The following NUP188 variants were observed in gnomAD, a reference collection of about 807,000 sequenced individuals.
The protein encoded by NUP188 is nucleoporin 188.
A neutral mutation model predicts 223.0 loss-of-function variants in NUP188; 97 were observed. That is an observed-to-expected ratio of 0.43 (90% CI 0.37 to 0.51). NUP188 has a LOEUF of 0.51. NUP188 is among the 20% of genes least tolerant of loss of function. NUP188 has a pLI of 0.00. For missense variants in NUP188, 1,947 were observed against 2,175.6 expected (o/e 0.89, Z 2.09); for synonymous variants, 869 against 828.0 (o/e 1.05, Z -0.85).
At chr9:128,977,443 A>G (rs886777764) in intron 12 of NUP188, among the ~76,000 whole-genome samples, 2 of 152,162 alleles carry the variant, frequency 1.3e-5, no homozygotes, top group African/African-American at 4.8e-5. Context: ...TAAAGAAATC[A>G]TTCAGTGAGC....
At position 128,988,130 on chromosome 9, in the gene NUP188, G is replaced by A. The variant is rs750248943; in HGVS notation, c.2477G>A (p.Arg826Gln). The A allele has an allele frequency of 5.0e-6, 8 of 1,614,056 alleles. No individual in the cohort carries two copies. The highest frequency in any genetic ancestry group is 1.6e-4 in the Middle Eastern group (1 of 6,082). The change falls in exon 24 of 44, where the codon CGG becomes CAG. Residue 826 changes from arginine to glutamine, a missense_variant. Physicochemically the swap from Arg to Gln is conservative, Grantham distance 43 (BLOSUM62 1). Coordinates refer to ENST00000372577, the MANE Select transcript of NUP188 (RefSeq NM_015354.3). ...TTCTCCGTCACCAACAATGTTATTC[G>A]GCTGAAACCTCCTTCTAATGTGGTG... ...LAFSVTNNVI[R>Q]LKPPSNVVSP...
At chr9:128,995,076 A>G (rs1043870144) in intron 29 of NUP188, 153 bp downstream of exon 29, 3 of 665,648 alleles carry the variant, frequency 4.5e-6, no homozygotes, top group Non-Finnish European at 8.0e-6. Flanking sequence ...TTCCTGGCCA[A>G]TCCACCGATG....
chr9:128,970,920 A>G lies in NUP188; in HGVS notation c.1075A>G (p.Thr359Ala). Reference sequence around the variant, plus strand: ...CCAGCTGAATGTGTTTCAGTACTTGACCCGATTGCTCCAGTCCCTTGCCAG... The same window carrying G: ...CCAGCTGAATGTGTTTCAGTACTTGGCCCGATTGCTCCAGTCCCTTGCCAG... ...AIQLNVFQYLTRLLQSLASGG... is the reference protein window; with the variant it reads ...AIQLNVFQYLARLLQSLASGG... Residue 359 changes from threonine (T) to alanine (A), a missense_variant, in exon 11 of 44, where the codon ACC becomes GCC. By Grantham distance (58) the Thr-to-Ala change is moderately conservative. This residue lies in a region of NUP188 where 817 missense variants were observed against 865.8 expected (regional missense o/e 0.94). Transcript: ENST00000372577. 6.2e-7 allele frequency: 1 copy of G among 1,613,964 alleles called. No individual in the cohort carries two copies. The highest frequency in any genetic ancestry group is 1.3e-5 in the African/African-American group (1 of 74,976).
intron 34 of NUP188, 67 bp from the exon 35 acceptor site, chr9:129,001,462 G>A (rs1057118702): frequency 2.4e-5 from 37 of 1,513,626 alleles, no homozygotes; most frequent in Admixed American, 3.4e-5. Context: ...CAGGCCCACC[G>A]CTGCCTGTCG....
rs749922084 is a variant in NUP188 at position 128,980,763 on chromosome 9, A to C, written c.1389+38A>C. On this transcript the variant is annotated intron_variant, in intron 14 of 43. Coordinates refer to ENST00000372577, the MANE Select transcript of NUP188 (RefSeq NM_015354.3). ...GTCAGATAAGTAAAGAGAATGGGAG[A>C]TTCTTTATGGAGACTTTATTAGGAA... 11 of 1,604,838 alleles carry C rather than the reference A, an allele frequency of 6.9e-6. No individual in the cohort carries two copies. In the South Asian group the frequency reaches 1.2e-4, roughly 18 times the overall value.
In NUP188 at chr9:128,983,300, A is replaced by T; in HGVS notation, c.1804A>T (p.Thr602Ser). The T allele has an allele frequency of 6.2e-7, 1 of 1,614,030 alleles. No homozygotes were observed. Among genetic ancestry groups the T allele is most frequent in the South Asian group, 1.1e-5 (1 of 91,082 alleles). Residue 602 changes from threonine to serine, a missense_variant, in exon 18 of 44, where the codon ACA becomes TCA. Thr to Ser is a moderately conservative substitution (Grantham distance 58, BLOSUM62 1). Around this residue, in one of 3 missense-constraint regions of NUP188, gnomAD observed 817 missense variants for 865.8 expected, o/e 0.94. Coordinates refer to ENST00000372577, the MANE Select transcript of NUP188 (RefSeq NM_015354.3). ...GTATTGTTCTCCAACCAGGTTAACGACAGTGATCTCCCCACCTGTGGATGT... is the reference window on the plus strand; with the variant it reads ...GTATTGTTCTCCAACCAGGTTAACGTCAGTGATCTCCCCACCTGTGGATGT... ...RIYMLLQRLT[T>S]VISPPVDVIA...
chr9:128,985,025 A>G lies in NUP188; in HGVS notation c.2076+11A>G, dbSNP rs370322096. 2.6e-5 allele frequency: 42 copies of G among 1,589,910 alleles called. No individual in the cohort carries two copies. The highest frequency in any genetic ancestry group is 3.6e-5 in the Non-Finnish European group (42 of 1,160,424). ...ACCACCCTTGTCAAGGTACAGTCTG[A>G]TTTTGTTCACAAAGGGCAGAAAAAG... On this transcript the variant is annotated intron_variant, in intron 20 of 43. Coordinates refer to ENST00000372577, the MANE Select transcript of NUP188 (RefSeq NM_015354.3).
At chr9:128,972,214 T>A (rs1842114087) in intron 11 of NUP188, among the ~76,000 whole-genome samples, 1 of 152,266 alleles carries the variant, frequency 6.6e-6, no homozygotes, top group African/African-American at 2.4e-5. Flanking sequence ...GGTCCTTCAG[T>A]AAGTATAACT....
At chr9:128,964,536 ATTTT>A (rs61518157) in intron 8 of NUP188, among the ~76,000 whole-genome samples, 2 of 122,866 alleles carry the variant, frequency 1.6e-5, no homozygotes, top group Non-Finnish European at 3.4e-5. Context: ...TAATTTTTGT[ATTTT>A]TTTTTTTTTT....
In NUP188 at chr9:129,003,369, A is replaced by T. The variant is rs1464223524; in HGVS notation, c.4349A>T (p.Asp1450Val). Residue 1450 changes from aspartate (D) to valine (V), a missense_variant, in exon 38 of 44, where the codon GAC (aspartate) becomes GTC (valine). Physicochemically the swap from Asp to Val is radical, Grantham distance 152. Around this residue, in one of 3 missense-constraint regions of NUP188, gnomAD observed 905 missense variants for 990.6 expected, o/e 0.91. Coordinates refer to ENST00000372577, the MANE Select transcript of NUP188 (RefSeq NM_015354.3). ...VQSLACLEEA[D>V]HTVGFILQLS... ...AGTCTGGCCTGCCTGGAGGAGGCGG[A>T]CCACACCGTGGGTTTTATTCTGCAG... The T allele has an allele frequency of 2.5e-6, 4 of 1,613,342 alleles. No individual in the cohort carries two copies. The highest frequency in any genetic ancestry group is 3.4e-6 in the Non-Finnish European group (4 of 1,179,938).
chr9:128,987,741 C>G (rs780402468), intron 23 of NUP188, 24 bp downstream of exon 23: 5 of 1,606,968 alleles, frequency 3.1e-6, no homozygotes, highest in Non-Finnish European at 4.2e-6. Flanking sequence ...TCCACGTTCC[C>G]TTTGTCTGTC....
intron 25 of NUP188, among the ~76,000 whole-genome samples, chr9:128,991,907 C>CTT (rs1204961303): frequency 2.0e-4 from 23 of 117,366 alleles, no homozygotes; most frequent in African/African-American, 2.7e-4. Context: ...GTTTTTCTTT[C>CTT]TTTTTTTTTT....
At chr9:128,990,086 C>G (rs745745653) in intron 24 of NUP188, 34 bp from the exon 25 acceptor site, 19 of 1,500,930 alleles carry the variant, frequency 1.3e-5, no homozygotes, top group Non-Finnish European at 1.7e-5. Context: ...ATTAGGCACA[C>G]TTGATATCTA....
At chr9:128,994,803 G>A in intron 28 of NUP188, 53 bp from the exon 29 acceptor site, 2 of 1,410,690 alleles carry the variant, frequency 1.4e-6, no homozygotes, top group Non-Finnish European at 2.0e-6. Flanking sequence ...TGATATACTG[G>A]GGGAGATCAG....
At chr9:128,949,354 CAG>C (rs1841743372) in intron 2 of NUP188, 111 bp downstream of exon 2, 4 of 733,750 alleles carry the variant, frequency 5.5e-6, no homozygotes, top group East Asian at 5.7e-5. Context: ...TATTTAGAGA[CAG>C]AGTTTCGCTC....
intron 10 of NUP188, 23 bp from the exon 11 acceptor site, chr9:128,970,735 G>A (rs762564337): frequency 1.3e-6 from 2 of 1,598,330 alleles, no homozygotes; most frequent in South Asian, 2.2e-5. Flanking sequence ...CGGAGATGTA[G>A]ATGTGTTTTC....
At chr9:129,003,968 G>T in intron 38 of NUP188, 1 of 173,534 alleles carries the variant, frequency 5.8e-6, no homozygotes. Context: ...GCGAGACTCC[G>T]TCCCAAAAAG....
rs753739341 is a variant in NUP188, at chr9:128,999,275, T to A, written c.3619T>A (p.Phe1207Ile). 1.5e-4 allele frequency: 238 copies of A among 1,614,138 alleles called. No individual in the cohort carries two copies. Among genetic ancestry groups the A allele is most frequent in the Admixed American group, 3.7e-4 (22 of 60,020 alleles). ...CATGGAGAAGACCAAGGCCAAGGTG[T>A]TCTCAGCATTCATCACAGTGTTGCA... The part of the protein sequence containing the change: ...QLMEKTKAKV[F>I]SAFITVLQMK... The change falls in exon 33 of 44, where the codon TTC becomes ATC. Residue 1207 changes from phenylalanine to isoleucine, a missense_variant. Phe to Ile is a conservative substitution (Grantham distance 21). Around this residue, in one of 3 missense-constraint regions of NUP188, gnomAD observed 905 missense variants for 990.6 expected, o/e 0.91. Transcript: ENST00000372577.
At chr9:128,954,285 G>C (rs1223929142) in intron 3 of NUP188, among the ~76,000 whole-genome samples, 1 of 151,030 alleles carries the variant, frequency 6.6e-6, no homozygotes, top group Non-Finnish European at 1.5e-5. Context: ...CACGATCTCG[G>C]CTCACTGCAA....
Sources: allele counts gnomAD v4.1 joint callset (sites outside exome capture counted in the v4.1 genomes callset), GRCh38; gene constraint gnomAD v4.1.1; regional missense constraint gnomAD v4.1.1; transcripts MANE v1.5; gene names NCBI Gene and HGNC (gene_info 2026-07-23, HGNC 2026-07-21).